Variants in PCDHA11 observed in about 807,000 individuals in gnomAD.
PCDHA11 encodes the protein protocadherin alpha-11.
PCDHA11 carries 61 observed loss-of-function variants against 70.3 expected under a neutral mutation model. The observed-to-expected ratio is 0.87, with a 90% confidence interval of 0.71 to 1.07. The LOEUF is 1.07. PCDHA11 is among the 50% of genes least tolerant of loss of function. The pLI is 0.00. For synonymous variants in PCDHA11, 633 were observed against 555.1 expected, an observed-to-expected ratio of 1.14 and a Z score of -1.97; for missense variants, 1,324 against 1,237.5, an observed-to-expected ratio of 1.07 and a Z score of -1.05.
chr5:140,988,622 ATGTCCTGGTTTTC>A (rs2097306090), intron 3 of PCDHA11, among the ~76,000 whole-genome samples: 1 of 152,124 alleles, frequency 6.6e-6, no homozygotes, highest in Non-Finnish European at 1.5e-5. Context: ...TAGAATGGAG[ATGTCCTGGTTTTC>A]TGAAATTAAA....
At position 140,877,378 on chromosome 5, in the gene PCDHA11, A is replaced by G; in HGVS notation, c.2391+5884A>G. 2 of 1,613,974 alleles carry G rather than the reference A, an allele frequency of 1.2e-6. No individual in the cohort carries two copies. Among genetic ancestry groups the G allele is most frequent in the South Asian group, 1.1e-5 (1 of 91,086 alleles). On this transcript the variant is annotated intron_variant, in intron 1 of 3. Transcript: ENST00000398640. ...CACTGGCGAGATCAGCACGACACGC[A>G]TCCTGGATGAGGCGGACGCTCCGCG...
At chr5:140,915,826 T>G (rs1432367192) in intron 1 of PCDHA11, among the ~76,000 whole-genome samples, 1 of 152,134 alleles carries the variant, frequency 6.6e-6, no homozygotes, top group Non-Finnish European at 1.5e-5. Context: ...GCCCTAGGGC[T>G]CTAAGATCAG....
At chr5:140,947,969 C>T (rs1159851699) in intron 1 of PCDHA11, among the ~76,000 whole-genome samples, 1 of 151,182 alleles carries the variant, frequency 6.6e-6, no homozygotes, top group African/African-American at 2.4e-5. Context: ...TAAGTATGTG[C>T]TACTCATAGG....
chr5:140,933,359 C>G (rs2089088301), intron 1 of PCDHA11, among the ~76,000 whole-genome samples: 1 of 151,832 alleles, frequency 6.6e-6, no homozygotes, highest in Non-Finnish European at 1.5e-5. Context: ...TATTTCTAAC[C>G]CATCCCAAAT....
In PCDHA11 at chr5:141,010,181, C is replaced by G; in HGVS notation, c.*244C>G. The G allele has an allele frequency of 2.6e-6, 4 of 1,554,386 alleles. No individual in the cohort carries two copies. Among genetic ancestry groups the G allele is most frequent in the Non-Finnish European group, 3.5e-6 (4 of 1,148,120 alleles). On this transcript the variant is annotated 3_prime_UTR_variant, in exon 4 of 4. Transcript: ENST00000398640. ...TTGTTTTCAGAACCTAAAAAGCAGA[C>G]CCAAGTTTCCTTTCTCCTCCGCCGC... is the stretch of plus-strand genomic sequence containing the variant.
rs187034758 is a variant in PCDHA11 at position 140,897,376 on chromosome 5, C to G, written c.2391+25882C>G. 8.0e-3 allele frequency among the ~76,000 whole-genome samples: 1,079 copies of G among 134,538 alleles called. 8 individuals are homozygous for G. Among genetic ancestry groups the G allele is most frequent in the Non-Finnish European group, 0.013 (863 of 65,384 alleles). 88.3% of individuals were successfully genotyped at this position (134,538 alleles called of 152,430 possible). A position where few individuals can be genotyped will look rare whatever the true frequency, so the allele number is the denominator to read the frequency against. ...TGTCCCCAGAGTGTGATGTTCCCTT[C>G]CCCTTCCTGTGTCCATGTGTTCTCA... On this transcript the variant is annotated intron_variant, in intron 1 of 3. Coordinates refer to ENST00000398640, the MANE Select transcript of PCDHA11 (RefSeq NM_018902.5).
intron 1 of PCDHA11, among the ~76,000 whole-genome samples, chr5:140,901,201 G>A (rs2068505084): frequency 6.6e-6 from 1 of 152,038 alleles, no homozygotes; most frequent in Admixed American, 6.6e-5. Context: ...CTGTGCAGAA[G>A]GTTTTTAAGT....
intron 1 of PCDHA11, chr5:140,876,435 C>A (rs1380633697): frequency 1.9e-6 from 3 of 1,613,852 alleles, no homozygotes; most frequent in Non-Finnish European, 1.7e-6. Context: ...TTCAGGTTAA[C>A]GCCATTGATA....
chr5:140,870,237 A>C lies in PCDHA11; in HGVS notation c.1134A>C (p.Ser378=). The C allele has an allele frequency of 6.2e-7, 1 of 1,614,180 alleles. No individual in the cohort carries two copies. The highest frequency in any genetic ancestry group is 1.1e-5 in the South Asian group (1 of 91,090). The change falls in exon 1 of 4, where the codon TCA becomes TCC. Residue 378 remains serine (S), a synonymous_variant. Transcript: ENST00000398640. ...TGATCAGCGTGTCTGACCGTGACTC[A>C]GGTGTCAACGGACAGGTGACCTGCT... ...IALISVSDRD[S]GVNGQVTCSL...
In PCDHA11 at chr5:140,868,961, A is replaced by G; in HGVS notation, c.-143A>G. On this transcript the variant is annotated 5_prime_UTR_variant, in exon 1 of 4. Transcript: ENST00000398640. ...TCTGAACAGTGAGGCACTCCCATACAAAGGAACTCCATCATACCGGATGCC... is the reference window on the plus strand; with the variant it reads ...TCTGAACAGTGAGGCACTCCCATACGAAGGAACTCCATCATACCGGATGCC... 1 of 1,418,552 alleles carries G rather than the reference A, an allele frequency of 7.0e-7. No homozygotes were observed. Among genetic ancestry groups the G allele is most frequent in the Non-Finnish European group, 9.5e-7 (1 of 1,058,116 alleles). The allele number at this position is 1,418,552 out of a possible 1,614,324, so 87.9% of individuals were successfully genotyped here. A position where few individuals can be genotyped will look rare whatever the true frequency, so the allele number is the denominator to read the frequency against.
intron 1 of PCDHA11, chr5:140,928,452 G>C: frequency 6.2e-7 from 1 of 1,614,126 alleles, no homozygotes; most frequent in Non-Finnish European, 8.5e-7. Context: ...AGCTCAGGGG[G>C]TTTCATTTCC....
chr5:140,875,724 G>T, intron 1 of PCDHA11: 1 of 1,614,244 alleles, frequency 6.2e-7, no homozygotes, highest in Non-Finnish European at 8.5e-7. Flanking sequence ...ATGGCATTTT[G>T]TTTGTGAATT....
At chr5:140,966,764 G>T in intron 1 of PCDHA11, 1 of 1,475,264 alleles carries the variant, frequency 6.8e-7, no homozygotes, top group Non-Finnish European at 9.0e-7. Context: ...GCGGCCAGTG[G>T]CTATGGAGCA....
intron 1 of PCDHA11, among the ~76,000 whole-genome samples, chr5:140,918,404 T>C (rs2078676215): frequency 6.6e-6 from 1 of 152,196 alleles, no homozygotes; most frequent in Admixed American, 6.5e-5. Context: ...CTGATTTCTC[T>C]GGCCAGGACT....
In PCDHA11 at chr5:140,870,708, C is replaced by A. The variant is rs781841032; in HGVS notation, c.1605C>A (p.Ser535Arg). ...TGGAGCTGCTACAGTTCCAGGTGAG[C>A]GCGCGCGATGCGGGCGTGCCGCCTC... Reference protein sequence around the residue: ...EELELLQFQVSARDAGVPPLS... With the variant: ...EELELLQFQVRARDAGVPPLS... Residue 535 changes from serine (S) to arginine (R), a missense_variant, in exon 1 of 4, where the codon AGC becomes AGA. Ser to Arg is a moderately radical substitution (Grantham distance 110). Coordinates refer to ENST00000398640, the MANE Select transcript of PCDHA11 (RefSeq NM_018902.5). The A allele has an allele frequency of 1.9e-6, 3 of 1,613,016 alleles. No homozygotes were observed. The highest frequency in any genetic ancestry group is 4.5e-5 in the East Asian group (2 of 44,864).
chr5:140,993,596 A>G (rs562427268), intron 3 of PCDHA11, among the ~76,000 whole-genome samples: 53 of 152,194 alleles, frequency 3.5e-4, no homozygotes, highest in Admixed American at 2.6e-4. Flanking sequence ...CTTGGCTCCA[A>G]TAGAGAATTT....
intron 1 of PCDHA11, among the ~76,000 whole-genome samples, chr5:140,897,369 T>C (rs183566624): frequency 0.013 from 1,702 of 128,706 alleles, 36 homozygotes; most frequent in African/African-American, 0.049. Flanking sequence ...GAGTGTGATG[T>C]TCCCTTCCCC....
rs112377727 is a variant in PCDHA11, at chr5:140,875,811, G to T, written c.2391+4317G>T. The T allele has an allele frequency of 3.6e-4, 584 of 1,614,186 alleles. 8 individuals are homozygous for T. Among genetic ancestry groups the T allele is most frequent in the South Asian group, 3.4e-3 (314 of 91,084 alleles). On this transcript the variant is annotated intron_variant, in intron 1 of 3. Coordinates refer to ENST00000398640, the MANE Select transcript of PCDHA11 (RefSeq NM_018902.5). ...ACCTGGAGGTGATCGTGGACAGGCC[G>T]CTGCAGGTTTTCCATGTGGACGTGG...
chr5:140,934,511 T>A (rs999288213), intron 1 of PCDHA11, among the ~76,000 whole-genome samples: 1 of 152,210 alleles, frequency 6.6e-6, no homozygotes, highest in African/African-American at 2.4e-5. Context: ...AAAGGGTCCA[T>A]AGACCACACT....
Sources: gnomAD v4.1 joint callset for allele counts (sites outside exome capture counted in the v4.1 genomes callset) on GRCh38, gnomAD v4.1.1 for gene constraint, MANE v1.5 for transcripts, NCBI Gene and HGNC (gene_info 2026-07-23, HGNC 2026-07-21) for gene names.